RGL1: variants seen among roughly 807,000 people sequenced by gnomAD.
RGL1 encodes ral guanine nucleotide dissociation stimulator like 1.
In RGL1, 24 loss-of-function variants were observed where a neutral mutation model predicts 95.2. The observed-to-expected ratio is 0.25, with a 90% confidence interval of 0.18 to 0.35. The LOEUF is 0.35. RGL1 is among the 10% of genes least tolerant of loss of function. RGL1 has a pLI of 1.00. For missense variants in RGL1, 715 were observed against 936.3 expected (o/e 0.76, Z 3.08); for synonymous variants, 329 against 344.9 (o/e 0.95, Z 0.51).
At chr1:183,767,317 G>A (rs1409296997) in intron 2 of RGL1, among the ~76,000 whole-genome samples, 1 of 151,128 alleles carries the variant, frequency 6.6e-6, no homozygotes, top group East Asian at 1.9e-4. Flanking sequence ...AGAACAAACA[G>A]CAAATAAATG....
At chr1:183,711,901 G>A (rs1455225300) in intron 1 of RGL1, among the ~76,000 whole-genome samples, 1 of 152,170 alleles carries the variant, frequency 6.6e-6, no homozygotes, top group Non-Finnish European at 1.5e-5. Flanking sequence ...GAGCTAAATC[G>A]TTAGTCACAG....
chr1:183,902,663 A>G (rs1668096075), intron 12 of RGL1, 63 bp downstream of exon 12: 2 of 1,528,546 alleles, frequency 1.3e-6, no homozygotes, highest in African/African-American at 1.4e-5. Flanking sequence ...AGAAATGGGG[A>G]CTTAAGTTTT....
At chr1:183,781,582 C>T (rs753155147) in intron 2 of RGL1, among the ~76,000 whole-genome samples, 1 of 152,160 alleles carries the variant, frequency 6.6e-6, no homozygotes, top group Non-Finnish European at 1.5e-5. Flanking sequence ...TTAACCATTT[C>T]TCGAGATTCT....
chr1:183,765,109 A>G (rs533166417), intron 2 of RGL1, among the ~76,000 whole-genome samples: 4 of 152,288 alleles, frequency 2.6e-5, no homozygotes, highest in Non-Finnish European at 5.9e-5. Context: ...GTGACTCTCT[A>G]CTTACCACAG....
intron 2 of RGL1, among the ~76,000 whole-genome samples, chr1:183,753,232 C>T (rs1658132026): frequency 6.6e-6 from 1 of 152,176 alleles, no homozygotes; most frequent in African/African-American, 2.4e-5. Context: ...ATTCTCTCTT[C>T]AGCTTTAATC....
intron 2 of RGL1, among the ~76,000 whole-genome samples, chr1:183,817,995 G>C (rs1662202592): frequency 6.6e-6 from 1 of 152,222 alleles, no homozygotes; most frequent in Non-Finnish European, 1.5e-5. Flanking sequence ...TTTGGTTAGA[G>C]TTGGAGGATT....
chr1:183,777,879 T>C (rs1271785794), intron 2 of RGL1, among the ~76,000 whole-genome samples: 3 of 152,136 alleles, frequency 2.0e-5, no homozygotes, highest in African/African-American at 7.2e-5. Flanking sequence ...ATAGTCTTCC[T>C]TTCCTTCACT....
intron 1 of RGL1, among the ~76,000 whole-genome samples, chr1:183,655,054 T>C (rs1301181824): frequency 2.0e-5 from 3 of 152,246 alleles, no homozygotes; most frequent in Non-Finnish European, 4.4e-5. Flanking sequence ...TCTTCTCTTT[T>C]CTGTCTTCCT....
intron 2 of RGL1, among the ~76,000 whole-genome samples, chr1:183,829,116 T>C (rs1663083129): frequency 1.3e-5 from 2 of 152,104 alleles, no homozygotes; most frequent in Non-Finnish European, 2.9e-5. Context: ...GTGGGGCCCG[T>C]GAATCTACTT....
chr1:183,864,960 A>G (rs894849282), intron 3 of RGL1, among the ~76,000 whole-genome samples: 1 of 152,252 alleles, frequency 6.6e-6, no homozygotes, highest in Admixed American at 6.5e-5. Context: ...AGTAGAAAAC[A>G]AAAGTGTGCT....
chr1:183,693,108 C>A (rs946383590), intron 1 of RGL1, among the ~76,000 whole-genome samples: 27 of 149,610 alleles, frequency 1.8e-4, no homozygotes, highest in Admixed American at 5.9e-4. Context: ...GCGTGTGCCA[C>A]CACACCCGGC....
Position 183,923,728 on chromosome 1 carries a change from T to A in RGL1, c.2119+1392T>A, listed in dbSNP as rs527434040. ...CTGAACATGGGGAGACACTAAGTGA[T>A]ATATAACTGTGAGGACTATTATTAC... On this transcript the variant is annotated intron_variant, in intron 17 of 17. Coordinates refer to ENST00000360851, the MANE Select transcript of RGL1 (RefSeq NM_001297671.3). 2.0e-5 allele frequency among the ~76,000 whole-genome samples: 3 copies of A among 152,314 alleles called. No individual in the cohort carries two copies. The East Asian group carries it at 5.8e-4, about 29-fold the overall frequency.
chr1:183,658,516 G>A (rs1350010382), intron 1 of RGL1, among the ~76,000 whole-genome samples: 3 of 152,226 alleles, frequency 2.0e-5, no homozygotes, highest in South Asian at 4.2e-4. Flanking sequence ...AGGGGTGCCC[G>A]CCATTGCCCA....
intron 1 of RGL1, among the ~76,000 whole-genome samples, chr1:183,668,405 CAT>C (rs1213028424): frequency 6.6e-6 from 1 of 151,870 alleles, no homozygotes; most frequent in Non-Finnish European, 1.5e-5. Context: ...TTTGAGAAAT[CAT>C]GTGTAATTTT....
At chr1:183,662,398 G>A (rs1390230949) in intron 1 of RGL1, among the ~76,000 whole-genome samples, 1 of 151,880 alleles carries the variant, frequency 6.6e-6, no homozygotes, top group African/African-American at 2.4e-5. Context: ...AAAATCACAA[G>A]CATTCTTATA....
At chr1:183,668,267 T>C (rs867205528) in intron 1 of RGL1, among the ~76,000 whole-genome samples, 15 of 152,184 alleles carry the variant, frequency 9.9e-5, no homozygotes, top group South Asian at 2.1e-4. Flanking sequence ...AATTTTTGCC[T>C]GTCTGAGGAA....
chr1:183,791,173 T>C (rs1660427215), intron 2 of RGL1, among the ~76,000 whole-genome samples: 1 of 152,220 alleles, frequency 6.6e-6, no homozygotes, highest in Non-Finnish European at 1.5e-5. Flanking sequence ...CATTATGAGA[T>C]GATTCTGCCA....
intron 1 of RGL1, among the ~76,000 whole-genome samples, chr1:183,660,889 C>G (rs867065577): frequency 6.6e-6 from 1 of 152,122 alleles, no homozygotes; most frequent in Non-Finnish European, 1.5e-5. Context: ...AACTAGAACT[C>G]AGGAATAAGA....
At chr1:183,690,394 AT>A (rs1250377729) in intron 1 of RGL1, among the ~76,000 whole-genome samples, 3 of 152,186 alleles carry the variant, frequency 2.0e-5, no homozygotes, top group Non-Finnish European at 4.4e-5. Context: ...TAGCATTATC[AT>A]TATTTATCTT....
Sources: allele counts gnomAD v4.1 joint callset (sites outside exome capture counted in the v4.1 genomes callset), GRCh38; gene constraint gnomAD v4.1.1; transcripts MANE v1.5; gene names NCBI Gene and HGNC (gene_info 2026-07-23, HGNC 2026-07-21).